CATSPERB: variants seen among roughly 807,000 people sequenced by gnomAD.
The protein encoded by CATSPERB is catsper channel auxiliary subunit beta.
CATSPERB carries 93 observed loss-of-function variants against 128.3 expected under a neutral mutation model. That is an observed-to-expected ratio of 0.72 (90% confidence interval 0.61 to 0.86). CATSPERB has a LOEUF of 0.86. CATSPERB is among the 40% of genes least tolerant of loss of function. The pLI is 0.00. For missense variants in CATSPERB, 1,153 were observed against 1,329.5 expected (o/e 0.87, Z 2.06); for synonymous variants, 381 against 448.8 (o/e 0.85, Z 1.91).
Position 91,704,447 on chromosome 14 carries a change from A to G in CATSPERB, c.616+105T>C, listed in dbSNP as rs1895702996. The G allele has an allele frequency of 6.6e-6, 8 of 1,213,408 alleles. 1 individual carries two copies. The South Asian group carries it at 1.1e-4, about 16-fold the overall frequency. 75.2% of individuals were successfully genotyped at this position (1,213,408 alleles called of 1,614,324 possible). ...AATTTTTAGGTATTTTTAGGAAACA[A>G]TTTTCCTTCCCTATGTCTATGCATT... On this transcript the variant is annotated intron_variant, in intron 7 of 26. Coordinates refer to ENST00000256343, the MANE Select transcript of CATSPERB (RefSeq NM_024764.4).
chr14:91,628,652 C>T lies in CATSPERB; in HGVS notation c.1743-3645G>A, dbSNP rs184527410. Among the ~76,000 whole-genome samples the T allele has an allele frequency of 3.1e-4, 47 of 152,280 alleles. No homozygotes were observed. The East Asian group carries it at 8.5e-3, about 27-fold the overall frequency. Reference sequence around the variant, plus strand: ...CTCTTTCTCCTGCCGCCATGTAAGACGTGCCTTGCTTCCCCTTCATCTTCC... The same window carrying T: ...CTCTTTCTCCTGCCGCCATGTAAGATGTGCCTTGCTTCCCCTTCATCTTCC... On this transcript the variant is annotated intron_variant, in intron 17 of 26. Coordinates refer to ENST00000256343, the MANE Select transcript of CATSPERB (RefSeq NM_024764.4).
chr14:91,608,952 TG>T (rs1341190711), intron 21 of CATSPERB, among the ~76,000 whole-genome samples: 1 of 152,200 alleles, frequency 6.6e-6, no homozygotes, highest in Non-Finnish European at 1.5e-5. Context: ...AATAGCCTAC[TG>T]TTGACCAGAA....
In CATSPERB at chr14:91,725,433, A is replaced by G. The variant is rs886535431; in HGVS notation, c.80-265T>C. Among the ~76,000 whole-genome samples the G allele has an allele frequency of 1.1e-4, 17 of 152,338 alleles. 1 individual carries two copies. Among genetic ancestry groups the G allele is most frequent in the African/African-American group, 4.1e-4 (17 of 41,568 alleles). The stretch of plus-strand genomic sequence containing the variant: ...TGACACAAAATTTTTAGAGGTAGAC[A>G]AAAACCAGTTCTTGACACTTCAACG... On this transcript the variant is annotated intron_variant, in intron 2 of 26. Transcript: ENST00000256343.
At chr14:91,729,263 A>G in intron 2 of CATSPERB, 138 bp downstream of exon 2, 1 of 459,932 alleles carries the variant, frequency 2.2e-6, no homozygotes, top group South Asian at 5.1e-5. Context: ...CCAGAGTATA[A>G]TTGACAATAT....
At chr14:91,587,319 T>G in intron 25 of CATSPERB, 43 bp from the exon 26 acceptor site, 1 of 1,426,810 alleles carries the variant, frequency 7.0e-7, no homozygotes. Context: ...CATCAACATG[T>G]ACATTCCTTT....
At chr14:91,707,499 A>C (rs1400720012) in intron 6 of CATSPERB, among the ~76,000 whole-genome samples, 1 of 151,690 alleles carries the variant, frequency 6.6e-6, no homozygotes, top group Non-Finnish European at 1.5e-5. Context: ...CTTTTTTGGA[A>C]TAAGTAAATA....
At chr14:91,597,188 C>A (rs1318563249) in intron 22 of CATSPERB, among the ~76,000 whole-genome samples, 1 of 151,814 alleles carries the variant, frequency 6.6e-6, no homozygotes, top group Non-Finnish European at 1.5e-5. Context: ...CAGCGCCTGG[C>A]CAAAAAGATA....
intron 26 of CATSPERB, among the ~76,000 whole-genome samples, chr14:91,583,877 T>C (rs1893251224): frequency 6.6e-6 from 1 of 152,086 alleles, no homozygotes; most frequent in Non-Finnish European, 1.5e-5. Flanking sequence ...TTCTCCTTTC[T>C]CCTCCCCTTT....
chr14:91,625,814 A>T (rs1257900226), intron 17 of CATSPERB, among the ~76,000 whole-genome samples: 1 of 152,204 alleles, frequency 6.6e-6, no homozygotes, highest in Non-Finnish European at 1.5e-5. Context: ...CTAGACACAG[A>T]TCTTACAATC....
At chr14:91,656,311 T>C (rs993582296) in intron 15 of CATSPERB, among the ~76,000 whole-genome samples, 1 of 152,142 alleles carries the variant, frequency 6.6e-6, no homozygotes, top group Non-Finnish European at 1.5e-5. Flanking sequence ...AATTATGGTA[T>C]GTAAACTACT....
intron 5 of CATSPERB, among the ~76,000 whole-genome samples, chr14:91,714,277 C>CAAAAAAAAAAAAAAAGA (rs1895896708): frequency 4.5e-5 from 5 of 111,290 alleles, no homozygotes; most frequent in African/African-American, 7.1e-5. Context: ...TACAATAAGG[C>CAAAAAAAAAAAAAAAGA]AAAAAAAAAA....
chr14:91,625,417 G>A (rs965388136), intron 17 of CATSPERB, among the ~76,000 whole-genome samples: 5 of 152,102 alleles, frequency 3.3e-5, no homozygotes, highest in African/African-American at 9.7e-5. Context: ...AGGGGTGGGG[G>A]AGAAAGCTTT....
intron 22 of CATSPERB, chr14:91,605,027 G>T: frequency 8.6e-7 from 1 of 1,163,786 alleles, no homozygotes; most frequent in South Asian, 1.2e-5. Flanking sequence ...CACAGTTCTG[G>T]TCTTCTGTTT....
Position 91,630,038 on chromosome 14 carries a change from A to G in CATSPERB, c.1743-5031T>C, listed in dbSNP as rs544208092. 2.0e-5 allele frequency among the ~76,000 whole-genome samples: 3 copies of G among 151,980 alleles called. No homozygotes were observed. In the East Asian group the frequency reaches 5.8e-4, roughly 29 times the overall value. On this transcript the variant is annotated intron_variant, in intron 17 of 26. Coordinates refer to ENST00000256343, the MANE Select transcript of CATSPERB (RefSeq NM_024764.4). ...TTCCCCAGCCCAGCTGATCCCTTCC[A>G]CTCCATGCCAATGAAACTGTTTTCA...
At chr14:91,688,465 G>A (rs1312908686) in intron 10 of CATSPERB, among the ~76,000 whole-genome samples, 2 of 152,014 alleles carry the variant, frequency 1.3e-5, no homozygotes, top group Non-Finnish European at 2.9e-5. Context: ...TATAGCCTTG[G>A]AATTTTCTTA....
intron 17 of CATSPERB, among the ~76,000 whole-genome samples, chr14:91,627,874 A>T (rs1204563901): frequency 1.3e-5 from 2 of 152,150 alleles, no homozygotes; most frequent in Non-Finnish European, 2.9e-5. Flanking sequence ...GCTACATGGG[A>T]GGCTGAGGCA....
chr14:91,692,196 A>G (rs1286622570), intron 9 of CATSPERB, among the ~76,000 whole-genome samples: 1 of 138,062 alleles, frequency 7.2e-6, no homozygotes, highest in Non-Finnish European at 1.6e-5. Context: ...AAAAAAAAAA[A>G]GAAGAAGTGT....
Position 91,588,087 on chromosome 14 carries a change from A to G in CATSPERB, c.2957-9T>C. The stretch of plus-strand genomic sequence containing the variant: ...TTCTGGCACAGTGTGTTCTAAAAAT[A>G]CATAAAACATATTTTAAGCACACTT... On this transcript the variant is annotated splice_polypyrimidine_tract_variant and intron_variant, in intron 24 of 26. Transcript: ENST00000256343. 2 of 1,518,320 alleles carry G rather than the reference A, an allele frequency of 1.3e-6. 1 individual carries two copies. The highest frequency in any genetic ancestry group is 3.5e-5 in the Admixed American group (2 of 57,440). 94.1% of individuals were successfully genotyped at this position (1,518,320 alleles called of 1,614,324 possible).
intron 5 of CATSPERB, among the ~76,000 whole-genome samples, chr14:91,713,483 A>G (rs1394722062): frequency 2.0e-5 from 3 of 152,194 alleles, no homozygotes; most frequent in Admixed American, 2.0e-4. Context: ...GAGATAAAAT[A>G]GGGAACACCA....
Sources: allele counts gnomAD v4.1 joint callset (sites outside exome capture counted in the v4.1 genomes callset), GRCh38; gene constraint gnomAD v4.1.1; transcripts MANE v1.5; gene names NCBI Gene and HGNC (gene_info 2026-07-23, HGNC 2026-07-21).